AGO2: variants seen among roughly 807,000 people sequenced by gnomAD.
AGO2 encodes the protein argonaute RISC catalytic component 2.
AGO2 carries 5 observed loss-of-function variants against 102.3 expected under a neutral mutation model. That is an observed-to-expected ratio of 0.05 (90% CI 0.03 to 0.10). The LOEUF (loss-of-function observed/expected upper bound fraction) is 0.10, where lower values mean the gene tolerates loss of function less well. AGO2 is among the 10% of genes least tolerant of loss of function. AGO2 has a pLI of 1.00. For missense variants in AGO2, 541 were observed against 1,183.7 expected (o/e 0.46, Z 7.97); for synonymous variants, 449 against 473.1 (o/e 0.95, Z 0.66).
At chr8:140,532,223 C>T (rs143618378) in intron 18 of AGO2, 71 bp from the exon 19 acceptor site, 22,480 of 1,492,574 alleles carry the variant, frequency 0.015, 200 homozygotes, top group Non-Finnish European at 0.018. Context: ...GCGTCGATCA[C>T]TAAGTCGGGA....
intron 14 of AGO2, among the ~76,000 whole-genome samples, chr8:140,543,922 C>T (rs183730735): frequency 1.4e-4 from 21 of 152,306 alleles, no homozygotes; most frequent in East Asian, 5.8e-4. Context: ...GGCTACCACC[C>T]GCCAGTCAGG....
rs1434065767 is a variant in AGO2 at position 140,526,458 on chromosome 8, T to TG, written c.*5585dup. The TG allele has an allele frequency of 6.6e-6, 1 of 152,198 alleles. No individual in the cohort carries two copies. The highest frequency in any genetic ancestry group is 2.4e-5 in the African/African-American group (1 of 41,418). The allele number at this position is 152,198 out of a possible 1,614,324, so 9.4% of individuals were successfully genotyped here. On this transcript the variant is annotated 3_prime_UTR_variant, in exon 19 of 19. Transcript: ENST00000220592. This position sits in a 1 kb window ranked among gnomAD's most constrained non-coding sequence, Gnocchi z 5.2. ...AAGCTGCGCAGAACAGAGGTGACCC[T>TG]GGTCCACCTGACACAGTAGAGGAGG... is the stretch of plus-strand genomic sequence containing the variant.
intron 1 of AGO2, among the ~76,000 whole-genome samples, chr8:140,601,912 C>A (rs936299152): frequency 2.0e-5 from 3 of 152,180 alleles, no homozygotes; most frequent in Non-Finnish European, 4.4e-5. Flanking sequence ...ACCTCACAGC[C>A]TCCTCCTCCA....
intron 16 of AGO2, among the ~76,000 whole-genome samples, chr8:140,536,129 T>C (rs1200266616): frequency 6.6e-6 from 1 of 152,182 alleles, no homozygotes; most frequent in African/African-American, 2.4e-5. Context: ...CATATAACCA[T>C]TCAATGGTTT....
intron 2 of AGO2, among the ~76,000 whole-genome samples, chr8:140,573,326 C>T (rs1343387595): frequency 2.6e-5 from 4 of 151,738 alleles, no homozygotes; most frequent in Non-Finnish European, 4.4e-5. Flanking sequence ...CCCGCCACCA[C>T]ACTTGGCTAA....
In AGO2 at chr8:140,551,175, C is replaced by A. The variant is rs570239977; in HGVS notation, c.1403+128G>T. The A allele has an allele frequency of 1.4e-4, 166 of 1,148,358 alleles. 1 individual carries two copies. In the African/African-American group the frequency reaches 2.3e-3, roughly 16 times the overall value. The allele number at this position is 1,148,358 out of a possible 1,614,324, so 71.1% of individuals were successfully genotyped here. A position where few individuals can be genotyped will look rare whatever the true frequency, so the allele number is the denominator to read the frequency against. On this transcript the variant is annotated intron_variant, in intron 11 of 18. Transcript: ENST00000220592. ...TACGTGACAGGGAAAGGCTGATGAA[C>A]CCTGACATCAAAACCCATACCAGCA... is the stretch of plus-strand genomic sequence containing the variant.
upstream of AGO2, among the ~76,000 whole-genome samples, chr8:140,640,022 A>C (rs2074431685): frequency 6.6e-6 from 1 of 151,658 alleles, no homozygotes; most frequent in Admixed American, 6.6e-5. Context: ...TTAATTTTTA[A>C]TTTTAAGACA....
At chr8:140,625,517 G>C (rs546221404) in intron 1 of AGO2, among the ~76,000 whole-genome samples, 1 of 152,218 alleles carries the variant, frequency 6.6e-6, no homozygotes, top group South Asian at 2.1e-4. Flanking sequence ...GTATCCAGGG[G>C]GTGCTTTACA....
chr8:140,625,941 G>A lies in AGO2; in HGVS notation c.22+9544C>T, dbSNP rs888335958. 9.9e-5 allele frequency among the ~76,000 whole-genome samples: 15 copies of A among 152,220 alleles called. No individual in the cohort carries two copies. In the South Asian group the frequency reaches 1.0e-3, roughly 10 times the overall value. On this transcript the variant is annotated intron_variant, in intron 1 of 18. Coordinates refer to ENST00000220592, the MANE Select transcript of AGO2 (RefSeq NM_012154.5). ...TGACCGTTCTTACAGTGAGGCACGC[G>A]CTTTAGCATCTGGCAAACTGCATAC...
chr8:140,546,316 G>A, intron 13 of AGO2, among the ~76,000 whole-genome samples: 1 of 152,176 alleles, frequency 6.6e-6, no homozygotes, highest in South Asian at 2.1e-4. Context: ...CTCAAAACCT[G>A]GTCCCCCATG....
At chr8:140,635,693 G>A (rs1360387161), upstream of AGO2, 1 of 173,132 alleles carries the variant, frequency 5.8e-6, no homozygotes, top group African/African-American at 2.5e-5. Flanking sequence ...GAGCGGGAGG[G>A]GCGGGGGAGG....
chr8:140,520,974 AT>A lies in AGO2; in HGVS notation c.*11069del, dbSNP rs2072408533. On this transcript the variant is annotated 3_prime_UTR_variant, in exon 19 of 19. Transcript: ENST00000220592. ...AGGATACTATATCCCTACAAGAGTA[AT>A]TTTTAAATTTCTTTCAACAGTCTAT... 6.6e-6 allele frequency: 1 copy of A among 152,100 alleles called. No individual in the cohort carries two copies. Among genetic ancestry groups the A allele is most frequent in the African/African-American group, 2.4e-5 (1 of 41,392 alleles). The allele number at this position is 152,100 out of a possible 1,614,324, so 9.4% of individuals were successfully genotyped here.
chr8:140,597,480 C>CCCCCCCCCCCCA (rs2073864620), intron 1 of AGO2, among the ~76,000 whole-genome samples: 2 of 132,126 alleles, frequency 1.5e-5, no homozygotes, highest in African/African-American at 2.7e-5. Context: ...CCCCACCCCC[C>CCCCCCCCCCCCA]CCCCCCCGCC....
chr8:140,549,341 C>G, intron 11 of AGO2, 43 bp from the exon 12 acceptor site: 1 of 1,534,766 alleles, frequency 6.5e-7, no homozygotes, highest in South Asian at 1.2e-5. Flanking sequence ...CTGGGAATGG[C>G]AGAGAACTCA....
chr8:140,596,004 T>TAC (rs1225992045), intron 1 of AGO2, among the ~76,000 whole-genome samples: 58 of 132,030 alleles, frequency 4.4e-4, no homozygotes, highest in African/African-American at 1.3e-3. Context: ...TATATATATA[T>TAC]ACACACACAC....
upstream of AGO2, chr8:140,637,701 G>A (rs2074419823): frequency 6.6e-6 from 1 of 152,354 alleles, no homozygotes; most frequent in Non-Finnish European, 1.5e-5. Flanking sequence ...CCACACCTGT[G>A]TTCAGGAATT....
chr8:140,612,669 T>C (rs1029829720), intron 1 of AGO2, among the ~76,000 whole-genome samples: 4 of 151,428 alleles, frequency 2.6e-5, no homozygotes, highest in African/African-American at 9.7e-5. Flanking sequence ...GGAGAATCGC[T>C]TGAACCCAGG....
At chr8:140,641,332 ACAC>A in the AGO2 span, among the ~76,000 whole-genome samples, 1 of 147,812 alleles carries the variant, frequency 6.8e-6, no homozygotes, top group Non-Finnish European at 1.5e-5. Context: ...ACACACACAC[ACAC>A]AAAACAGCAA....
chr8:140,612,050 C>T (rs993790495), intron 1 of AGO2, among the ~76,000 whole-genome samples: 30 of 151,632 alleles, frequency 2.0e-4, no homozygotes, highest in African/African-American at 7.0e-4. Flanking sequence ...GGTGAAACCC[C>T]GTCTCTACTA....
Sources: gnomAD v4.1 joint callset for allele counts (sites outside exome capture counted in the v4.1 genomes callset) on GRCh38, gnomAD v4.1.1 for gene constraint, Gnocchi (gnomAD v3.1) non-coding constraint, MANE v1.5 for transcripts, NCBI Gene and HGNC (gene_info 2026-07-23, HGNC 2026-07-21) for gene names.